Variants in ZDHHC23 observed in about 807,000 individuals in gnomAD.
The protein encoded by ZDHHC23 is palmitoyltransferase ZDHHC23.
A neutral mutation model predicts 40.2 loss-of-function variants in ZDHHC23; 41 were observed. That is an observed-to-expected ratio of 1.02 (90% CI 0.79 to 1.32). The LOEUF is 1.32. Ranked by LOEUF, ZDHHC23 falls within the 40% of genes most tolerant of loss-of-function variation. The probability of loss-of-function intolerance (pLI) is 0.00; values close to 1 mark genes in which losing one functional copy is unlikely to be tolerated. For missense variants in ZDHHC23, 471 were observed against 541.5 expected (o/e 0.87, Z 1.29); for synonymous variants, 204 against 210.2 (o/e 0.97, Z 0.26).
At chr3:113,958,058 CAG>C (rs1488260583) in intron 4 of ZDHHC23, among the ~76,000 whole-genome samples, 2 of 152,104 alleles carry the variant, frequency 1.3e-5, no homozygotes, top group Non-Finnish European at 2.9e-5. Context: ...ATTTAACAAA[CAG>C]GTGTTGAACG....
At chr3:113,956,220 C>T (rs1939215666) in intron 3 of ZDHHC23, 119 bp from the exon 4 acceptor site, 3 of 1,153,456 alleles carry the variant, frequency 2.6e-6, no homozygotes, top group African/African-American at 1.6e-5. Flanking sequence ...GCACTTTAGC[C>T]TGAACTACAG....
chr3:113,968,906 G>A (rs897459160), downstream of ZDHHC23, among the ~76,000 whole-genome samples: 6 of 152,016 alleles, frequency 3.9e-5, no homozygotes, highest in Admixed American at 3.9e-4. Context: ...AAAAAAAGAG[G>A]TTTATTGGAC....
At chr3:113,968,300 T>C (rs1940421829), downstream of ZDHHC23, among the ~76,000 whole-genome samples, 1 of 152,212 alleles carries the variant, frequency 6.6e-6, no homozygotes, top group African/African-American at 2.4e-5. Context: ...GCATCTGTTA[T>C]TCACTGTCTT....
At chr3:113,948,499 G>C (rs370122224) in intron 1 of ZDHHC23, 187 bp from the exon 2 acceptor site, 33 of 310,086 alleles carry the variant, frequency 1.1e-4, no homozygotes, top group South Asian at 9.3e-4. Flanking sequence ...TGTCCCGGAC[G>C]CGTGGTCGGC....
the ZDHHC23 span, among the ~76,000 whole-genome samples, chr3:113,977,529 CTGTA>C: frequency 1.3e-5 from 2 of 151,982 alleles, no homozygotes; most frequent in Non-Finnish European, 2.9e-5. Context: ...TAAAACATAA[CTGTA>C]TTTTAAATAT....
chr3:113,977,225 A>G, the ZDHHC23 span, among the ~76,000 whole-genome samples: 1 of 152,176 alleles, frequency 6.6e-6, no homozygotes, highest in Non-Finnish European at 1.5e-5. Flanking sequence ...TGAACCCAGG[A>G]GGCAGAGGTT....
At position 113,952,027 on chromosome 3, in the gene ZDHHC23, C is replaced by G. The variant is rs529179971; in HGVS notation, c.162-1673C>G. On this transcript the variant is annotated intron_variant, in intron 2 of 4. Transcript: ENST00000638807. ...TGGCGCATGCCTGTAATCCCAGCTACTCAGGAGGCTGAAGTAGGAGAATCG... is the reference window on the plus strand; with the variant it reads ...TGGCGCATGCCTGTAATCCCAGCTAGTCAGGAGGCTGAAGTAGGAGAATCG... Among the ~76,000 whole-genome samples the G allele has an allele frequency of 3.9e-5, 6 of 152,180 alleles. No homozygotes were observed. The South Asian group carries it at 1.2e-3, about 32-fold the overall frequency.
chr3:113,968,414 G>T (rs1940432969), downstream of ZDHHC23, among the ~76,000 whole-genome samples: 4 of 151,926 alleles, frequency 2.6e-5, no homozygotes, highest in South Asian at 8.3e-4. Context: ...ACACTTTTTG[G>T]CCACTTGTAT....
chr3:113,965,604 T>C (rs1364196166), downstream of ZDHHC23, among the ~76,000 whole-genome samples: 1 of 152,208 alleles, frequency 6.6e-6, no homozygotes, highest in African/African-American at 2.4e-5. Context: ...ATTTATTTTC[T>C]TTGAGGCAAG....
chr3:113,960,189 C>G lies in ZDHHC23; in HGVS notation c.*1559C>G. ...GAAATATTGCTACTTCCTGCACTTC[C>G]ACCCTCTGCAGCCAGCACCGTCCCT... On this transcript the variant is annotated 3_prime_UTR_variant, in exon 5 of 5. Coordinates refer to ENST00000638807, the MANE Select transcript of ZDHHC23 (RefSeq NM_001320466.2). The G allele has an allele frequency of 2.0e-6, 2 of 990,754 alleles. No homozygotes were observed. Among genetic ancestry groups the G allele is most frequent in the Non-Finnish European group, 2.4e-6 (2 of 833,106 alleles). The allele number at this position is 990,754 out of a possible 1,614,324, so 61.4% of individuals were successfully genotyped here. A position where few individuals can be genotyped will look rare whatever the true frequency, so the allele number is the denominator to read the frequency against.
At chr3:113,949,798 C>T (rs1251107619) in intron 2 of ZDHHC23, among the ~76,000 whole-genome samples, 1 of 152,166 alleles carries the variant, frequency 6.6e-6, no homozygotes, top group African/African-American at 2.4e-5. Flanking sequence ...ATTAATACAG[C>T]CATGAAAAGC....
At chr3:113,957,563 C>G (rs1939351104) in intron 4 of ZDHHC23, 1 of 402,040 alleles carries the variant, frequency 2.5e-6, no homozygotes, top group South Asian at 1.9e-5. Context: ...ACAGTCCTGC[C>G]ATTGCTTCTC....
intron 2 of ZDHHC23, among the ~76,000 whole-genome samples, chr3:113,953,103 T>C (rs1381756533): frequency 6.6e-6 from 1 of 152,256 alleles, no homozygotes; most frequent in Non-Finnish European, 1.5e-5. Context: ...GCCCTGTCCC[T>C]GTGGGACTAG....
downstream of ZDHHC23, among the ~76,000 whole-genome samples, chr3:113,968,254 C>T (rs74675483): frequency 7.9e-5 from 12 of 152,162 alleles, no homozygotes; most frequent in Non-Finnish European, 2.9e-5. Flanking sequence ...CCCACCAACA[C>T]TGTGTGAGGG....
At chr3:113,973,477 C>T in the ZDHHC23 span, among the ~76,000 whole-genome samples, 720 of 151,912 alleles carry the variant, frequency 4.7e-3, 7 homozygotes, top group African/African-American at 0.017. Context: ...TTTAACATTT[C>T]TTGTAAGATG....
At chr3:113,965,540 G>T (rs578032689), downstream of ZDHHC23, 4 of 398,608 alleles carry the variant, frequency 1.0e-5, no homozygotes, top group Admixed American at 4.3e-5. Context: ...GGCAACAAAA[G>T]GGAATGAGAG....
intron 2 of ZDHHC23, among the ~76,000 whole-genome samples, chr3:113,952,745 G>A (rs1938796994): frequency 6.6e-6 from 1 of 152,208 alleles, no homozygotes; most frequent in Non-Finnish European, 1.5e-5. Flanking sequence ...CCAAGATCAA[G>A]GCAGCAGCAG....
At chr3:113,974,716 G>T in the ZDHHC23 span, among the ~76,000 whole-genome samples, 3 of 152,128 alleles carry the variant, frequency 2.0e-5, no homozygotes, top group East Asian at 5.8e-4. Flanking sequence ...TTGGTTTTCA[G>T]TGGGTATGTT....
At chr3:113,976,440 C>T in the ZDHHC23 span, among the ~76,000 whole-genome samples, 3 of 152,022 alleles carry the variant, frequency 2.0e-5, no homozygotes, top group South Asian at 6.2e-4. Flanking sequence ...ACCTACCTGC[C>T]TGTTGCTTAT....
Sources: allele counts gnomAD v4.1 joint callset (sites outside exome capture counted in the v4.1 genomes callset), GRCh38; gene constraint gnomAD v4.1.1; transcripts MANE v1.5; gene names NCBI Gene and HGNC (gene_info 2026-07-23, HGNC 2026-07-21).